The following MLLT3 variants were observed in gnomAD, a reference collection of about 807,000 sequenced individuals.
The protein encoded by MLLT3 is protein AF-9.
MLLT3 carries 4 observed loss-of-function variants against 53.2 expected under a neutral mutation model. The ratio of observed to expected loss-of-function variants is 0.08; its 90% confidence interval spans 0.04 to 0.17. The LOEUF is 0.17. Among genes scored for constraint, MLLT3 ranks in the 10% least tolerant of loss-of-function variants. The probability of loss-of-function intolerance (pLI) is 1.00; values close to 1 mark genes in which losing one functional copy is unlikely to be tolerated. For synonymous variants in MLLT3, 283 were observed against 230.6 expected (o/e 1.23, Z -2.06); for missense variants, 569 against 684.0 (o/e 0.83, Z 1.87).
intron 10 of MLLT3, among the ~76,000 whole-genome samples, chr9:20,349,533 T>TA (rs11303969): frequency 0.15 from 22,715 of 147,092 alleles, 1,741 homozygotes; most frequent in Non-Finnish European, 0.16. Flanking sequence ...CGGCTTGAAT[T>TA]AAAAAAAAAA....
chr9:20,579,351 C>A (rs1819732241), intron 2 of MLLT3, among the ~76,000 whole-genome samples: 1 of 151,044 alleles, frequency 6.6e-6, no homozygotes, highest in Non-Finnish European at 1.5e-5. Context: ...CCAGCCTGGG[C>A]AACAGAGTAA....
chr9:20,609,941 T>G (rs575319353), intron 2 of MLLT3, among the ~76,000 whole-genome samples: 27 of 152,258 alleles, frequency 1.8e-4, no homozygotes, highest in Non-Finnish European at 4.0e-4. Flanking sequence ...ATACTCCACA[T>G]GTCTATTGTC....
At position 20,448,002 on chromosome 9, in the gene MLLT3, T is replaced by A; in HGVS notation, c.420+121A>T. The A allele has an allele frequency of 9.2e-7, 1 of 1,085,810 alleles. No individual in the cohort carries two copies. The highest frequency in any genetic ancestry group is 1.6e-5 in the African/African-American group (1 of 63,726). The allele number at this position is 1,085,810 out of a possible 1,614,324, so 67.3% of individuals were successfully genotyped here. On this transcript the variant is annotated intron_variant, in intron 4 of 10. Coordinates refer to ENST00000380338, the MANE Select transcript of MLLT3 (RefSeq NM_004529.4). The surrounding 1 kb of genome is among the most constrained non-coding windows in gnomAD (Gnocchi z 4.0). ...ACAGCTAAGCCATTAAGGTACATCA[T>A]TTCTTTTACCTCTCCCAAAACCTTA...
chr9:20,486,939 C>T (rs981286871), intron 2 of MLLT3, among the ~76,000 whole-genome samples: 1 of 152,100 alleles, frequency 6.6e-6, no homozygotes, highest in African/African-American at 2.4e-5. Context: ...TGAAAACCCA[C>T]ACTCATGACA....
At chr9:20,477,901 C>G (rs1473661043) in intron 2 of MLLT3, among the ~76,000 whole-genome samples, 1 of 152,172 alleles carries the variant, frequency 6.6e-6, no homozygotes, top group South Asian at 2.1e-4. Flanking sequence ...ACAGATTAAC[C>G]AATACTGGAT....
chr9:20,375,605 C>CTT (rs1821744159), intron 5 of MLLT3, among the ~76,000 whole-genome samples: 5 of 99,454 alleles, frequency 5.0e-5, no homozygotes, highest in African/African-American at 3.8e-4. Flanking sequence ...TTTTTTTTTT[C>CTT]TTTTCTTTTT....
intron 2 of MLLT3, among the ~76,000 whole-genome samples, chr9:20,466,477 A>T (rs1201184404): frequency 6.6e-6 from 1 of 152,178 alleles, no homozygotes; most frequent in Non-Finnish European, 1.5e-5. Context: ...TTTACAGAGT[A>T]TGGGGTTTTT....
chr9:20,564,776 T>C (rs1034151996), intron 2 of MLLT3, among the ~76,000 whole-genome samples: 1 of 152,320 alleles, frequency 6.6e-6, no homozygotes, highest in Admixed American at 6.5e-5. Context: ...GCTCTCTTAA[T>C]GCCTATTAAA....
intron 5 of MLLT3, among the ~76,000 whole-genome samples, chr9:20,400,487 T>C (rs558213624): frequency 1.3e-5 from 2 of 152,266 alleles, no homozygotes; most frequent in South Asian, 2.1e-4. Context: ...GATGTGATCA[T>C]GGTATTTAGT....
chr9:20,543,688 G>A (rs1329650880), intron 2 of MLLT3, among the ~76,000 whole-genome samples: 1 of 151,126 alleles, frequency 6.6e-6, no homozygotes. Context: ...AAGAGGAGGA[G>A]GAAGAGGAAG....
chr9:20,414,279 ACTGCTG>A lies in MLLT3; in HGVS notation c.561_566del (p.Ser189_Ser190del). On this transcript the variant is annotated inframe_deletion, in exon 5 of 11. Coordinates refer to ENST00000380338, the MANE Select transcript of MLLT3 (RefSeq NM_004529.4). ...TGTGAGGCTTTGAAAAACTGGTACT[ACTGCTG>A]CTGCTGCTGCTGCTACTGCTGCTGC... 6.2e-7 allele frequency: 1 copy of A among 1,608,840 alleles called. No homozygotes were observed. Among genetic ancestry groups the A allele is most frequent in the Non-Finnish European group, 8.5e-7 (1 of 1,177,646 alleles).
At chr9:20,375,652 G>GGCTGGA (rs1436187288) in intron 5 of MLLT3, among the ~76,000 whole-genome samples, 2 of 143,244 alleles carry the variant, frequency 1.4e-5, no homozygotes, top group Non-Finnish European at 3.0e-5. Flanking sequence ...CTGTCACCCA[G>GGCTGGA]GCTGGAGTGC....
chr9:20,569,001 T>C (rs1819455769), intron 2 of MLLT3, among the ~76,000 whole-genome samples: 2 of 152,058 alleles, frequency 1.3e-5, no homozygotes, highest in Admixed American at 6.6e-5. Flanking sequence ...AAGATAATAA[T>C]TCATCTACTT....
At chr9:20,434,347 GT>G (rs145743524) in intron 4 of MLLT3, among the ~76,000 whole-genome samples, 1 of 152,032 alleles carries the variant, frequency 6.6e-6, no homozygotes, top group African/African-American at 2.4e-5. Flanking sequence ...AGAAAGAAAA[GT>G]TTTTTGTACC....
At chr9:20,617,659 T>C (rs992983336) in intron 2 of MLLT3, among the ~76,000 whole-genome samples, 2 of 152,192 alleles carry the variant, frequency 1.3e-5, no homozygotes, top group Admixed American at 6.5e-5. Flanking sequence ...TTGTCTTTTT[T>C]TGCAGGTAAA....
chr9:20,491,440 A>G (rs1824944626), intron 2 of MLLT3, among the ~76,000 whole-genome samples: 1 of 152,128 alleles, frequency 6.6e-6, no homozygotes, highest in Non-Finnish European at 1.5e-5. Flanking sequence ...AGATAAACGC[A>G]ATAATATAGA....
At chr9:20,609,904 T>C (rs1820657193) in intron 2 of MLLT3, among the ~76,000 whole-genome samples, 1 of 152,122 alleles carries the variant, frequency 6.6e-6, no homozygotes, top group African/African-American at 2.4e-5. Flanking sequence ...TTCTCCGAAC[T>C]ACTACTTAGG....
In MLLT3 at chr9:20,485,745, CGTGT is replaced by C. The variant is rs10536645; in HGVS notation, c.194-28963_194-28960del. On this transcript the variant is annotated intron_variant, in intron 2 of 10. Coordinates refer to ENST00000380338, the MANE Select transcript of MLLT3 (RefSeq NM_004529.4). ...GAATATACACATACACATATACACACGTGTGTGTGTGTGTGTGCATGTGTGTGTG... is the reference window on the plus strand; with the variant it reads ...GAATATACACATACACATATACACACGTGTGTGTGTGTGCATGTGTGTGTG... Among the ~76,000 whole-genome samples the C allele has an allele frequency of 3.0e-3, 454 of 151,166 alleles. 1 individual carries two copies. Among genetic ancestry groups the C allele is most frequent in the African/African-American group, 1.0e-2 (413 of 41,302 alleles).
chr9:20,556,175 TATCA>T (rs1343248207), intron 2 of MLLT3, among the ~76,000 whole-genome samples: 2 of 152,236 alleles, frequency 1.3e-5, no homozygotes, highest in Non-Finnish European at 2.9e-5. Flanking sequence ...TTTTATTTTT[TATCA>T]ATCATTTATC....
Sources: gnomAD v4.1 joint callset for allele counts (sites outside exome capture counted in the v4.1 genomes callset) on GRCh38, gnomAD v4.1.1 for gene constraint, Gnocchi (gnomAD v3.1) non-coding constraint, MANE v1.5 for transcripts, NCBI Gene and HGNC (gene_info 2026-07-23, HGNC 2026-07-21) for gene names.